Variants in TMC7 observed in about 807,000 individuals in gnomAD.
TMC7 encodes transmembrane channel-like protein 7.
In TMC7, 54 loss-of-function variants were observed where a neutral mutation model predicts 82.9. The observed-to-expected ratio is 0.65, with a 90% CI of 0.52 to 0.82. The LOEUF (loss-of-function observed/expected upper bound fraction) is 0.82, where lower values mean the gene tolerates loss of function less well. Ranked by LOEUF, TMC7 falls within the 40% of genes least tolerant of loss-of-function variation. The probability of loss-of-function intolerance (pLI) is 0.00; values close to 1 mark genes in which losing one functional copy is unlikely to be tolerated. For synonymous variants in TMC7, 350 were observed against 337.9 expected, an observed-to-expected ratio of 1.04 and a Z score of -0.39; for missense variants, 820 against 901.2, an observed-to-expected ratio of 0.91 and a Z score of 1.15.
chr16:19,039,085 CTTTTTTCTTTT>C (rs1231598320), intron 8 of TMC7, among the ~76,000 whole-genome samples: 7 of 131,808 alleles, frequency 5.3e-5, no homozygotes, highest in Admixed American at 1.5e-4. Context: ...TTTCTTCTTT[CTTTTTTCTTTT>C]TTTTTTTTTT....
chr16:18,985,631 A>G (rs2038832022), intron 1 of TMC7, among the ~76,000 whole-genome samples: 1 of 151,694 alleles, frequency 6.6e-6, no homozygotes, highest in African/African-American at 2.4e-5. Context: ...GACTTTTGGC[A>G]TCTTTTCAGG....
At chr16:19,051,170 A>C (rs564156999) in intron 12 of TMC7, among the ~76,000 whole-genome samples, 17 of 148,942 alleles carry the variant, frequency 1.1e-4, no homozygotes, top group Non-Finnish European at 1.9e-4. Context: ...TTTCATCAGC[A>C]TGAATTCTCC....
intron 1 of TMC7, among the ~76,000 whole-genome samples, chr16:18,986,430 C>G (rs564458328): frequency 1.2e-4 from 18 of 150,462 alleles, no homozygotes; most frequent in African/African-American, 3.9e-4. Context: ...GCGGCATGTG[C>G]CTGTAATCCC....
chr16:19,005,788 A>G (rs909261869), intron 1 of TMC7, among the ~76,000 whole-genome samples: 2 of 151,962 alleles, frequency 1.3e-5, no homozygotes, highest in African/African-American at 4.8e-5. Context: ...GACCACACCC[A>G]CCCTACCCTC....
At chr16:19,027,862 GACAC>G (rs150866708) in intron 5 of TMC7, among the ~76,000 whole-genome samples, 2 of 151,038 alleles carry the variant, frequency 1.3e-5, no homozygotes, top group Non-Finnish European at 3.0e-5. Context: ...GTTTTAAGAA[GACAC>G]ACACACACAC....
intron 9 of TMC7, 56 bp from the exon 10 acceptor site, chr16:19,044,828 G>A: frequency 1.6e-6 from 2 of 1,280,328 alleles, no homozygotes; most frequent in Non-Finnish European, 1.1e-6. Flanking sequence ...CAGTTCCAAG[G>A]GACCAGCCAC....
At chr16:19,046,912 G>A (rs1226673405) in intron 11 of TMC7, 151 bp from the exon 12 acceptor site, 2 of 602,680 alleles carry the variant, frequency 3.3e-6, no homozygotes, top group Non-Finnish European at 5.7e-6. Flanking sequence ...TGATCTTAAT[G>A]ATTCCAGAGT....
rs570393446 is a variant in TMC7, at chr16:19,022,601, C to T, written c.629-512C>T. On this transcript the variant is annotated intron_variant, in intron 4 of 15. Transcript: ENST00000304381. ...ACAGCCTAGGTGTGTAGTAGGCCAT[C>T]CCATCTAGGTTTGCGTAAGTCCACT... is the stretch of plus-strand genomic sequence containing the variant. Among the ~76,000 whole-genome samples, 25 of 152,314 alleles carry T rather than the reference C, an allele frequency of 1.6e-4. No individual in the cohort carries two copies. The South Asian group carries it at 5.0e-3, about 30-fold the overall frequency.
At chr16:19,009,081 C>A in intron 1 of TMC7, 91 bp from the exon 2 acceptor site, 2 of 1,435,010 alleles carry the variant, frequency 1.4e-6, no homozygotes, top group Non-Finnish European at 1.9e-6. Context: ...TAACTATCTG[C>A]AAGGTTCAGT....
Position 18,984,024 on chromosome 16 carries a change from G to C in TMC7, c.-40G>C. The stretch of plus-strand genomic sequence containing the variant: ...GGCGGCGGCGGCGGCGGCGGCTGGA[G>C]AGGGTCCTCGGCAGCCTCTGAGGAG... On this transcript the variant is annotated 5_prime_UTR_variant, in exon 1 of 16. Transcript: ENST00000304381. 7.1e-7 allele frequency: 1 copy of C among 1,412,360 alleles called. No individual in the cohort carries two copies. The allele number at this position is 1,412,360 out of a possible 1,614,324, so 87.5% of individuals were successfully genotyped here.
At chr16:19,032,767 A>G (rs549324853) in intron 6 of TMC7, among the ~76,000 whole-genome samples, 23 of 152,212 alleles carry the variant, frequency 1.5e-4, no homozygotes, top group African/African-American at 5.3e-4. Context: ...AGCTGAGATT[A>G]CAGGTGCACG....
intron 12 of TMC7, among the ~76,000 whole-genome samples, chr16:19,049,833 C>A (rs1027166587): frequency 6.6e-6 from 1 of 152,130 alleles, no homozygotes. Context: ...TATGTCCCTG[C>A]GCAGTAACAC....
At chr16:19,016,934 C>T (rs1959723078) in intron 3 of TMC7, among the ~76,000 whole-genome samples, 1 of 152,096 alleles carries the variant, frequency 6.6e-6, no homozygotes, top group Non-Finnish European at 1.5e-5. Flanking sequence ...TCCTGTAATC[C>T]CAGCAATTTG....
chr16:19,043,149 T>C (rs545492058), intron 9 of TMC7, among the ~76,000 whole-genome samples: 2 of 152,180 alleles, frequency 1.3e-5, no homozygotes, highest in East Asian at 1.9e-4. Context: ...TTGAATCCAG[T>C]GTGTTTTTGT....
chr16:19,059,350 G>A lies in TMC7; in HGVS notation c.2028-66G>A. 1.9e-6 allele frequency: 3 copies of A among 1,576,744 alleles called. No homozygotes were observed. The South Asian group carries it at 3.5e-5, about 18-fold the overall frequency. On this transcript the variant is annotated intron_variant, in intron 14 of 15. Coordinates refer to ENST00000304381, the MANE Select transcript of TMC7 (RefSeq NM_024847.4). ...AACTGTTCCAAGGAAAAATATGTTGGGTTATTTTTCTATTGGCCTTCAGAT... is the reference window on the plus strand; with the variant it reads ...AACTGTTCCAAGGAAAAATATGTTGAGTTATTTTTCTATTGGCCTTCAGAT...
At chr16:19,033,669 A>T (rs1271039254) in intron 6 of TMC7, 1 of 152,294 alleles carries the variant, frequency 6.6e-6, no homozygotes, top group Non-Finnish European at 1.5e-5. Context: ...TGGGTGACAG[A>T]GTGAGACCCC....
chr16:19,048,511 T>G (rs1463953870), intron 12 of TMC7, among the ~76,000 whole-genome samples: 1 of 152,116 alleles, frequency 6.6e-6, no homozygotes, highest in African/African-American at 2.4e-5. Context: ...AACCTCCACC[T>G]CCCGGGTTCA....
chr16:19,035,681 T>A lies in TMC7; in HGVS notation c.863T>A (p.Val288Glu). The A allele has an allele frequency of 1.2e-6, 2 of 1,614,182 alleles. No homozygotes were observed. The highest frequency in any genetic ancestry group is 1.7e-6 in the Non-Finnish European group (2 of 1,180,032). The change falls in exon 7 of 16, where the codon GTG becomes GAG. Residue 288 changes from valine to glutamate, a missense_variant. Physicochemically the swap from Val to Glu is moderately radical, Grantham distance 121. Transcript: ENST00000304381. The part of the protein sequence containing the change: ...LSLLWIVKRS[V>E]EGFKINLIRS... ...TGATTGTGTTTTGGGGTCAGGTCGG[T>A]GGAAGGATTCAAAATCAACCTGATT...
At chr16:19,059,725 C>T (rs923567327) in intron 15 of TMC7, 8 of 1,509,708 alleles carry the variant, frequency 5.3e-6, no homozygotes, top group Non-Finnish European at 7.1e-6. Context: ...CCTGTAATCC[C>T]AGCACTTTTG....
Sources: allele counts gnomAD v4.1 joint callset (sites outside exome capture counted in the v4.1 genomes callset), GRCh38; gene constraint gnomAD v4.1.1; transcripts MANE v1.5; gene names NCBI Gene and HGNC (gene_info 2026-07-23, HGNC 2026-07-21).